FIG4: variants seen among roughly 807,000 people sequenced by gnomAD.
FIG4 encodes the protein FIG4 phosphoinositide 5-phosphatase, also known as polyphosphoinositide phosphatase.
In FIG4, 112 loss-of-function variants were observed where a neutral mutation model predicts 118.6. The ratio of observed to expected loss-of-function variants is 0.94; its 90% CI spans 0.81 to 1.11. The LOEUF is 1.11. Ranked by LOEUF, FIG4 falls within the 50% of genes least tolerant of loss-of-function variation. The pLI is 0.00. For synonymous variants in FIG4, 369 were observed against 381.2 expected, an observed-to-expected ratio of 0.97 and a Z score of 0.37; for missense variants, 969 against 1,111.7, an observed-to-expected ratio of 0.87 and a Z score of 1.83.
chr6:109,735,291 T>C lies in FIG4; in HGVS notation c.639T>C (p.Gly213=). Reference sequence around the variant, plus strand: ...AAGATGAAGGATTAATTACACAAGGTGGAAGCGGTAGGTGGTCTTGATATA... The same window carrying C: ...AAGATGAAGGATTAATTACACAAGGCGGAAGCGGTAGGTGGTCTTGATATA... The part of the protein sequence containing the change: ...IFEDEGLITQ[G]GSGVFGICSE... The change falls in exon 6 of 23, where the codon GGT becomes GGC. Residue 213 remains glycine, a synonymous_variant. Transcript: ENST00000230124. The C allele has an allele frequency of 6.2e-7, 1 of 1,613,232 alleles. No homozygotes were observed. The highest frequency in any genetic ancestry group is 1.7e-4 in the Middle Eastern group (1 of 6,054).
chr6:109,772,453 T>TTTTTTTG (rs1446699861), intron 15 of FIG4, among the ~76,000 whole-genome samples: 1 of 152,098 alleles, frequency 6.6e-6, no homozygotes, highest in African/African-American at 2.4e-5. Context: ...ATTGAATTAG[T>TTTTTTTG]TTTTTTGTTT....
chr6:109,789,538 A>C (rs961869315), intron 18 of FIG4, 56 bp from the exon 19 acceptor site: 3 of 1,241,964 alleles, frequency 2.4e-6, no homozygotes, highest in East Asian at 4.6e-5. Flanking sequence ...GATGGAAGCC[A>C]ATATCATCTG....
rs73535311 is a variant in FIG4, at chr6:109,697,661, C to T, written c.66+6160C>T. 8.1e-3 allele frequency among the ~76,000 whole-genome samples: 1,239 copies of T among 152,210 alleles called. 29 individuals are homozygous for T. Among genetic ancestry groups the T allele is most frequent in the African/African-American group, 0.026 (1,099 of 41,540 alleles). ...CTACAATATTCTTACACAGGTTAGC[C>T]CTGTTGAGTATGGAAGGGGGCCATA... On this transcript the variant is annotated intron_variant, in intron 1 of 22. Transcript: ENST00000230124.
chr6:109,765,054 C>T lies in FIG4; in HGVS notation c.1476C>T (p.Arg492=). The stretch of plus-strand genomic sequence containing the variant: ...CCAACTGTGTGGACTGTTTAGATCG[C>T]ACCAACACAGCACAGTTTATGGTGG... ...LRTNCVDCLD[R]TNTAQFMVGK... The change falls in exon 14 of 23, where the codon CGC becomes CGT. Residue 492 remains arginine (R), a synonymous_variant. Transcript: ENST00000230124. 3 of 1,613,794 alleles carry T rather than the reference C, an allele frequency of 1.9e-6. No individual in the cohort carries two copies. The highest frequency in any genetic ancestry group is 2.2e-5 in the East Asian group (1 of 44,858).
intron 10 of FIG4, among the ~76,000 whole-genome samples, chr6:109,758,500 A>G (rs1776993638): frequency 2.6e-5 from 4 of 152,220 alleles, no homozygotes; most frequent in Admixed American, 2.6e-4. Context: ...AAAACCAAAA[A>G]AGCCCTAGAA....
At chr6:109,815,134 G>A (rs1778824723) in intron 22 of FIG4, among the ~76,000 whole-genome samples, 1 of 151,948 alleles carries the variant, frequency 6.6e-6, no homozygotes, top group Non-Finnish European at 1.5e-5. Flanking sequence ...CAACAGTTAG[G>A]AAACTGGACT....
At chr6:109,732,924 A>G (rs1776050579) in intron 5 of FIG4, among the ~76,000 whole-genome samples, 1 of 152,130 alleles carries the variant, frequency 6.6e-6, no homozygotes, top group Non-Finnish European at 1.5e-5. Flanking sequence ...TGTTTTAGGT[A>G]GGACTTAATG....
chr6:109,783,270 T>A (rs1228953246), intron 16 of FIG4, among the ~76,000 whole-genome samples: 1 of 152,206 alleles, frequency 6.6e-6, no homozygotes, highest in African/African-American at 2.4e-5. Flanking sequence ...CTGAACTTAA[T>A]GAAAGTTGAA....
At chr6:109,801,392 A>G (rs1010769656) in intron 22 of FIG4, among the ~76,000 whole-genome samples, 1 of 152,072 alleles carries the variant, frequency 6.6e-6, no homozygotes, top group African/African-American at 2.4e-5. Flanking sequence ...TACTAAAAAT[A>G]CAAAAATTAG....
intron 11 of FIG4, among the ~76,000 whole-genome samples, chr6:109,760,648 T>C (rs1006683904): frequency 6.6e-6 from 1 of 152,196 alleles, no homozygotes; most frequent in Non-Finnish European, 1.5e-5. Flanking sequence ...TTAGTTTTGC[T>C]TTTTTCTATA....
chr6:109,702,008 G>T (rs1344603979), intron 1 of FIG4, among the ~76,000 whole-genome samples: 1 of 152,156 alleles, frequency 6.6e-6, no homozygotes, highest in Admixed American at 6.5e-5. Context: ...CCTTCTGGGC[G>T]GCATTACCCA....
chr6:109,733,985 A>C (rs1402866427), intron 5 of FIG4, among the ~76,000 whole-genome samples: 1 of 151,966 alleles, frequency 6.6e-6, no homozygotes, highest in Non-Finnish European at 1.5e-5. Context: ...AGAAAAAAGG[A>C]ATTGTTTTAA....
chr6:109,817,953 G>A (rs1778905205), intron 22 of FIG4, among the ~76,000 whole-genome samples: 1 of 152,202 alleles, frequency 6.6e-6, no homozygotes, highest in African/African-American at 2.4e-5. Context: ...CAGGATCGCT[G>A]GAGAGCTGAA....
chr6:109,773,533 C>A (rs747730861), intron 15 of FIG4, among the ~76,000 whole-genome samples: 2 of 152,156 alleles, frequency 1.3e-5, no homozygotes, highest in Non-Finnish European at 2.9e-5. Flanking sequence ...ATCACTGTTC[C>A]CCAATCCCAT....
chr6:109,707,448 TAC>T (rs1775122189), intron 1 of FIG4, among the ~76,000 whole-genome samples: 1 of 148,778 alleles, frequency 6.7e-6, no homozygotes, highest in South Asian at 2.1e-4. Context: ...TACATATATA[TAC>T]ACATATATAC....
intron 22 of FIG4, among the ~76,000 whole-genome samples, chr6:109,810,406 C>A (rs1778687256): frequency 6.6e-6 from 1 of 152,196 alleles, no homozygotes; most frequent in Non-Finnish European, 1.5e-5. Context: ...TGAGTCCTTG[C>A]CTGTCCAGGT....
chr6:109,821,620 T>C (rs943334059), intron 22 of FIG4, among the ~76,000 whole-genome samples: 1 of 152,206 alleles, frequency 6.6e-6, no homozygotes, highest in Non-Finnish European at 1.5e-5. Flanking sequence ...GATCTAGGCA[T>C]TGGCCTCAGT....
chr6:109,732,370 G>A (rs1420351141), intron 4 of FIG4, among the ~76,000 whole-genome samples: 2 of 152,146 alleles, frequency 1.3e-5, no homozygotes, highest in Non-Finnish European at 2.9e-5. Flanking sequence ...AAAGTCTGCT[G>A]TGCCCCCTAC....
intron 21 of FIG4, 41 bp from the exon 22 acceptor site, chr6:109,796,724 A>G (rs1778296937): frequency 8.9e-7 from 1 of 1,119,768 alleles, no homozygotes; most frequent in Non-Finnish European, 1.4e-6. Flanking sequence ...AATTGCAAGT[A>G]CTCCCTTCTT....
Sources: gnomAD v4.1 joint callset for allele counts (sites outside exome capture counted in the v4.1 genomes callset) on GRCh38, gnomAD v4.1.1 for gene constraint, MANE v1.5 for transcripts, NCBI Gene and HGNC (gene_info 2026-07-23, HGNC 2026-07-21) for gene names.